Variants in MPHOSPH8 observed in about 807,000 individuals in gnomAD.
MPHOSPH8 encodes M-phase phosphoprotein 8.
Under a neutral mutation model 87.3 loss-of-function variants are expected in MPHOSPH8, and 45 were observed. The ratio of observed to expected loss-of-function variants is 0.52; its 90% CI spans 0.41 to 0.66. MPHOSPH8 has a LOEUF of 0.66. Among genes scored for constraint, MPHOSPH8 ranks in the 30% least tolerant of loss-of-function variants. MPHOSPH8 has a pLI of 0.00. For missense variants in MPHOSPH8, 883 were observed against 1,020.2 expected (o/e 0.87, Z 1.83); for synonymous variants, 366 against 376.9 (o/e 0.97, Z 0.33).
At chr13:19,647,446 C>G (rs1270587847) in intron 3 of MPHOSPH8, among the ~76,000 whole-genome samples, 155 bp downstream of exon 3, 1 of 152,214 alleles carries the variant, frequency 6.6e-6, no homozygotes, top group African/African-American at 2.4e-5. Flanking sequence ...CAGCTTATCT[C>G]TTAGTCTCTG....
intron 10 of MPHOSPH8, 74 bp downstream of exon 10, chr13:19,666,653 A>T (rs1346369847): frequency 7.2e-7 from 1 of 1,396,634 alleles, no homozygotes; most frequent in African/African-American, 1.4e-5. Flanking sequence ...TTATAATTGG[A>T]GTGGCCTGTG....
Position 19,670,920 on chromosome 13 carries a change from A to G in MPHOSPH8, c.2458-286A>G, listed in dbSNP as rs927327498. On this transcript the variant is annotated intron_variant, in intron 12 of 13. Coordinates refer to ENST00000361479, the MANE Select transcript of MPHOSPH8 (RefSeq NM_017520.4). ...CTGGAGTCTTGACTTCCCAGGCACA[A>G]GCAATCCTCCCACCTCAGCCTCCTA... 9 of 969,806 alleles carry G rather than the reference A, an allele frequency of 9.3e-6. No individual in the cohort carries two copies. In the Admixed American group the frequency reaches 2.0e-4, roughly 22 times the overall value. 60.1% of individuals were successfully genotyped at this position (969,806 alleles called of 1,614,324 possible). A position where few individuals can be genotyped will look rare whatever the true frequency, so the allele number is the denominator to read the frequency against.
intron 2 of MPHOSPH8, among the ~76,000 whole-genome samples, chr13:19,645,730 A>G (rs1874529214): frequency 6.7e-6 from 1 of 148,642 alleles, no homozygotes; most frequent in South Asian, 2.1e-4. Flanking sequence ...GGGTGACAGA[A>G]TGAGACTCTG....
chr13:19,661,753 T>C lies in MPHOSPH8; in HGVS notation c.1847T>C (p.Leu616Pro). 4.3e-6 allele frequency: 7 copies of C among 1,612,832 alleles called. No individual in the cohort carries two copies. The highest frequency in any genetic ancestry group is 5.9e-6 in the Non-Finnish European group (7 of 1,179,302). The change falls in exon 8 of 14, where the codon CTC becomes CCC. Residue 616 changes from leucine to proline, a missense_variant. Coordinates refer to ENST00000361479, the MANE Select transcript of MPHOSPH8 (RefSeq NM_017520.4). ...MLAAAGGQDD[L>P]LRLLITKGAK... ...GCCGCCGCCGGAGGGCAGGACGACCTCCTGCGACTCCTCATCACAAAAGGC... is the reference window on the plus strand; with the variant it reads ...GCCGCCGCCGGAGGGCAGGACGACCCCCTGCGACTCCTCATCACAAAAGGC...
At chr13:19,657,834 C>T (rs1415317983) in intron 5 of MPHOSPH8, among the ~76,000 whole-genome samples, 1 of 152,120 alleles carries the variant, frequency 6.6e-6, no homozygotes, top group East Asian at 1.9e-4. Context: ...TGGGATGGGT[C>T]ATGGGGCATA....
At chr13:19,649,871 T>C in intron 4 of MPHOSPH8, 132 bp from the exon 5 acceptor site, 1 of 826,454 alleles carries the variant, frequency 1.2e-6, no homozygotes, top group Non-Finnish European at 1.9e-6. Context: ...CAGACCAGGC[T>C]TTATAAGCAA....
intron 10 of MPHOSPH8, among the ~76,000 whole-genome samples, chr13:19,667,012 A>G (rs1875855357): frequency 6.6e-6 from 1 of 152,002 alleles, no homozygotes; most frequent in Non-Finnish European, 1.5e-5. Context: ...AAATACAAAA[A>G]TTAGCCGGGC....
chr13:19,653,008 G>T (rs1366551242), intron 5 of MPHOSPH8, among the ~76,000 whole-genome samples: 3 of 152,098 alleles, frequency 2.0e-5, no homozygotes, highest in African/African-American at 7.2e-5. Flanking sequence ...CGCAGCTTCA[G>T]CAGACTTAAA....
At position 19,650,274 on chromosome 13, in the gene MPHOSPH8, C is replaced by A. The variant is rs767271234; in HGVS notation, c.1576+14C>A. 6.2e-7 allele frequency: 1 copy of A among 1,607,588 alleles called. No homozygotes were observed. ...ATGAGAATTCAGGTGAGTTTGGAATCATTTTGCAGAATTTTTCAAGGTAGT... is the reference window on the plus strand; with the variant it reads ...ATGAGAATTCAGGTGAGTTTGGAATAATTTTGCAGAATTTTTCAAGGTAGT... On this transcript the variant is annotated intron_variant, in intron 5 of 13. Transcript: ENST00000361479.
intron 10 of MPHOSPH8, among the ~76,000 whole-genome samples, chr13:19,666,888 G>A (rs116958143): frequency 1.3e-5 from 2 of 152,282 alleles, no homozygotes; most frequent in East Asian, 1.9e-4. Flanking sequence ...TTGGCCGGGC[G>A]CAGTGGCTCA....
chr13:19,635,106 T>G (rs1873923654), intron 1 of MPHOSPH8, among the ~76,000 whole-genome samples: 1 of 152,252 alleles, frequency 6.6e-6, no homozygotes, highest in South Asian at 2.1e-4. Context: ...TGGAAATGTT[T>G]TTATGTATAA....
rs991732435 is a variant in MPHOSPH8, at chr13:19,644,037, G to A, written c.369+1767G>A. Among the ~76,000 whole-genome samples the A allele has an allele frequency of 6.6e-5, 10 of 152,282 alleles. No individual in the cohort carries two copies. In the South Asian group the frequency reaches 1.0e-3, roughly 16 times the overall value. ...ACAAACAGTATTTGTTAATCTATTT[G>A]ATAAAGTTCCACATTCATTTGTAGT... is the stretch of plus-strand genomic sequence containing the variant. On this transcript the variant is annotated intron_variant, in intron 2 of 13. Transcript: ENST00000361479.
chr13:19,646,778 A>G lies in MPHOSPH8; in HGVS notation c.705A>G (p.Ile235Met). ...TAAAGAAAGTTAAAAAGGGTGAAAT[A>G]AGAGATTTAAAGACGAAAACAAGAG... ...KELKKVKKGE[I>M]RDLKTKTRED... Residue 235 changes from isoleucine to methionine, a missense_variant, in exon 3 of 14, where the codon ATA becomes ATG. Coordinates refer to ENST00000361479, the MANE Select transcript of MPHOSPH8 (RefSeq NM_017520.4). 1 of 1,576,892 alleles carries G rather than the reference A, an allele frequency of 6.3e-7. No individual in the cohort carries two copies. The highest frequency in any genetic ancestry group is 8.6e-7 in the Non-Finnish European group (1 of 1,165,948).
intron 4 of MPHOSPH8, among the ~76,000 whole-genome samples, chr13:19,649,731 CTT>C (rs1278126812): frequency 1.3e-5 from 2 of 152,178 alleles, no homozygotes; most frequent in African/African-American, 4.8e-5. Flanking sequence ...TTCAGTAGGC[CTT>C]TGTCACAACT....
At chr13:19,660,247 C>T (rs1207670137) in intron 7 of MPHOSPH8, among the ~76,000 whole-genome samples, 2 of 151,902 alleles carry the variant, frequency 1.3e-5, no homozygotes, top group East Asian at 1.9e-4. Context: ...GGATTACAGG[C>T]GTGAGCCACC....
intron 7 of MPHOSPH8, chr13:19,659,675 AAAAT>A (rs1477251535): frequency 2.3e-6 from 1 of 438,256 alleles, no homozygotes; most frequent in South Asian, 1.6e-5. Context: ...AAAAAAAAAA[AAAAT>A]AATGCACGTT....
chr13:19,670,763 T>C, intron 12 of MPHOSPH8: 1 of 1,198,838 alleles, frequency 8.3e-7, no homozygotes, highest in Non-Finnish European at 1.1e-6. Flanking sequence ...TAATCCAGTT[T>C]CCCAGATTGA....
chr13:19,669,877 A>T (rs1007371615), intron 11 of MPHOSPH8, among the ~76,000 whole-genome samples: 1 of 152,034 alleles, frequency 6.6e-6, no homozygotes, highest in African/African-American at 2.4e-5. Context: ...AAAATGGAAA[A>T]CCACTCAGAC....
At position 19,653,951 on chromosome 13, in the gene MPHOSPH8, C is replaced by T. The variant is rs539184872; in HGVS notation, c.1576+3691C>T. Among the ~76,000 whole-genome samples the T allele has an allele frequency of 4.3e-4, 66 of 152,224 alleles. 1 individual carries two copies. Among genetic ancestry groups the T allele is most frequent in the East Asian group, 1.4e-3 (7 of 5,180 alleles). ...GTTTAATTAGTGTACGTGAAAGTGACGAGGAGGATGGAACCAAGTTGGAAA... is the reference window on the plus strand; with the variant it reads ...GTTTAATTAGTGTACGTGAAAGTGATGAGGAGGATGGAACCAAGTTGGAAA... On this transcript the variant is annotated intron_variant, in intron 5 of 13. Coordinates refer to ENST00000361479, the MANE Select transcript of MPHOSPH8 (RefSeq NM_017520.4).
Sources: gnomAD v4.1 joint callset for allele counts (sites outside exome capture counted in the v4.1 genomes callset) on GRCh38, gnomAD v4.1.1 for gene constraint, MANE v1.5 for transcripts, NCBI Gene and HGNC (gene_info 2026-07-23, HGNC 2026-07-21) for gene names.